CRY1: variants seen among roughly 807,000 people sequenced by gnomAD.
CRY1 encodes cryptochrome circadian regulator 1, also known as cryptochrome-1.
Under a neutral mutation model 76.0 loss-of-function variants are expected in CRY1, and 45 were observed. That is an observed-to-expected ratio of 0.59 (90% CI 0.47 to 0.76). The LOEUF (loss-of-function observed/expected upper bound fraction) is 0.76. Ranked by LOEUF, CRY1 falls within the 30% of genes least tolerant of loss-of-function variation. The pLI, the probability that CRY1 is intolerant of heterozygous loss-of-function variation, is 0.00. For synonymous variants in CRY1, 248 were observed against 244.0 expected, an observed-to-expected ratio of 1.02 and a Z score of -0.15; for missense variants, 587 against 716.4, an observed-to-expected ratio of 0.82 and a Z score of 2.06.
At chr12:107,054,361 T>C (rs1952958312) in intron 1 of CRY1, among the ~76,000 whole-genome samples, 2 of 151,698 alleles carry the variant, frequency 1.3e-5, no homozygotes, top group African/African-American at 4.8e-5. Context: ...TGTGTAATTA[T>C]TTTATTAATT....
chr12:106,993,913 T>C (rs1952206034), intron 10 of CRY1, among the ~76,000 whole-genome samples: 1 of 152,162 alleles, frequency 6.6e-6, no homozygotes. Context: ...TGTTTTATTA[T>C]AAGAACAAAA....
At chr12:107,058,112 A>T (rs1400524927) in intron 1 of CRY1, among the ~76,000 whole-genome samples, 1 of 150,122 alleles carries the variant, frequency 6.7e-6, no homozygotes, top group South Asian at 2.1e-4. Flanking sequence ...ACTGAAGTTT[A>T]AAAAAAAGTT....
In CRY1 at chr12:106,999,625, G is replaced by C. The variant is rs1436692792; in HGVS notation, c.1063C>G (p.His355Asp). Residue 355 changes from histidine (H) to aspartate (D), a missense_variant, in exon 7 of 13, where the codon CAT becomes GAT. His to Asp is a moderately conservative substitution (Grantham distance 81, BLOSUM62 -1). Transcript: ENST00000008527. The part of the protein sequence containing the change: ...TQLRQEGWIH[H>D]LARHAVACFL... ...CAAGCAACTGCATGCCTGGCTAGATGATGAATCCAACCCTCCTGACGAAGC... is the reference window on the plus strand; with the variant it reads ...CAAGCAACTGCATGCCTGGCTAGATCATGAATCCAACCCTCCTGACGAAGC... The C allele has an allele frequency of 6.2e-7, 1 of 1,614,240 alleles. No homozygotes were observed.
At chr12:107,031,371 T>C (rs1952671682) in intron 1 of CRY1, among the ~76,000 whole-genome samples, 1 of 134,016 alleles carries the variant, frequency 7.5e-6, no homozygotes, top group African/African-American at 2.7e-5. Flanking sequence ...GACATAAATC[T>C]TTTTTTTTTT....
intron 1 of CRY1, among the ~76,000 whole-genome samples, chr12:107,038,519 G>A (rs760777647): frequency 1.8e-4 from 28 of 152,296 alleles, no homozygotes; most frequent in African/African-American, 5.3e-4. Flanking sequence ...AGCTAAATGG[G>A]ACAGAGAAGC....
intron 1 of CRY1, among the ~76,000 whole-genome samples, chr12:107,082,964 A>G (rs1359210264): frequency 1.3e-5 from 2 of 152,188 alleles, no homozygotes; most frequent in Non-Finnish European, 2.9e-5. Flanking sequence ...CTAATAAATA[A>G]AAGAGAGAAG....
intron 1 of CRY1, among the ~76,000 whole-genome samples, chr12:107,053,105 A>G (rs1175033787): frequency 6.6e-6 from 1 of 152,222 alleles, no homozygotes; most frequent in Non-Finnish European, 1.5e-5. Context: ...AAAGCAAGGA[A>G]TAAGAAATGG....
At chr12:107,034,109 C>A (rs1952706869) in intron 1 of CRY1, among the ~76,000 whole-genome samples, 1 of 151,756 alleles carries the variant, frequency 6.6e-6, no homozygotes, top group South Asian at 2.1e-4. Context: ...AAAGACCCTG[C>A]TGATAAAACA....
intron 2 of CRY1, among the ~76,000 whole-genome samples, chr12:107,013,347 G>C (rs1234077290): frequency 6.6e-6 from 1 of 152,196 alleles, no homozygotes; most frequent in Non-Finnish European, 1.5e-5. Flanking sequence ...TGAAGGCTTA[G>C]ATGATCACTA....
At chr12:107,074,896 T>C (rs1953232863) in intron 1 of CRY1, among the ~76,000 whole-genome samples, 1 of 152,090 alleles carries the variant, frequency 6.6e-6, no homozygotes, top group Admixed American at 6.6e-5. Context: ...ATGCCTATAA[T>C]CCCAGCTACT....
chr12:106,997,454 G>A (rs1952245792), intron 9 of CRY1, 34 bp downstream of exon 9: 3 of 1,612,604 alleles, frequency 1.9e-6, no homozygotes, highest in African/African-American at 2.7e-5. Context: ...TACATAAACA[G>A]CTGCCAAAGA....
At chr12:107,007,550 G>C (rs1242791408) in intron 2 of CRY1, among the ~76,000 whole-genome samples, 2 of 147,992 alleles carry the variant, frequency 1.4e-5, no homozygotes, top group Non-Finnish European at 1.5e-5. Context: ...TTTTTTAAGA[G>C]TTAGGCTCCC....
intron 1 of CRY1, among the ~76,000 whole-genome samples, chr12:107,091,189 G>A (rs778660781): frequency 1.1e-4 from 17 of 152,130 alleles, no homozygotes; most frequent in South Asian, 2.1e-4. Context: ...ACAGGCATGC[G>A]CCACCATGCT....
chr12:107,016,537 A>C (rs2136839362), intron 2 of CRY1, among the ~76,000 whole-genome samples: 1 of 152,328 alleles, frequency 6.6e-6, no homozygotes, highest in African/African-American at 2.4e-5. Context: ...AAGCTACCTC[A>C]CAAAATAATC....
intron 1 of CRY1, among the ~76,000 whole-genome samples, chr12:107,061,753 A>T (rs892049435): frequency 6.6e-6 from 1 of 152,224 alleles, no homozygotes; most frequent in African/African-American, 2.4e-5. Flanking sequence ...GCACAAAAAT[A>T]CACATTTTTC....
At chr12:107,069,229 T>G (rs1953149290) in intron 1 of CRY1, among the ~76,000 whole-genome samples, 1 of 148,710 alleles carries the variant, frequency 6.7e-6, no homozygotes, top group African/African-American at 2.5e-5. Flanking sequence ...CGTTTAAATT[T>G]TTTTTTTTTT....
At chr12:107,067,454 C>A (rs1487529703) in intron 1 of CRY1, among the ~76,000 whole-genome samples, 1 of 152,036 alleles carries the variant, frequency 6.6e-6, no homozygotes, top group East Asian at 1.9e-4. Flanking sequence ...TCTTTAGATG[C>A]TGACATGGTG....
At chr12:107,053,946 CCA>C (rs1324044883) in intron 1 of CRY1, among the ~76,000 whole-genome samples, 3 of 152,132 alleles carry the variant, frequency 2.0e-5, no homozygotes, top group African/African-American at 7.2e-5. Context: ...AATTCTATAT[CCA>C]GTGTAAACAA....
chr12:107,061,542 G>A (rs1174409721), intron 1 of CRY1, among the ~76,000 whole-genome samples: 1 of 151,824 alleles, frequency 6.6e-6, no homozygotes, highest in East Asian at 1.9e-4. Flanking sequence ...ACCACGCCCG[G>A]CTAATTTTTT....
Sources: gnomAD v4.1 joint callset for allele counts (sites outside exome capture counted in the v4.1 genomes callset) on GRCh38, gnomAD v4.1.1 for gene constraint, MANE v1.5 for transcripts, NCBI Gene and HGNC (gene_info 2026-07-23, HGNC 2026-07-21) for gene names.